Variants in MNAT1 observed in about 807,000 individuals in gnomAD.
MNAT1 encodes CDK-activating kinase assembly factor MAT1.
MNAT1 carries 43 observed loss-of-function variants against 42.0 expected under a neutral mutation model. The observed-to-expected ratio is 1.02, with a 90% confidence interval of 0.80 to 1.32. The LOEUF is 1.32. Among genes scored for constraint, MNAT1 ranks in the 40% most tolerant of loss-of-function variants. The pLI is 0.00. For synonymous variants in MNAT1, 118 were observed against 120.0 expected (o/e 0.98, Z 0.11); for missense variants, 306 against 350.4 (o/e 0.87, Z 1.01).
chr14:60,968,366 G>A lies in MNAT1; in HGVS notation c.*17G>A. Reference sequence around the variant, plus strand: ...CCCAGTTAACCATTTATAAGATTTGGACCTTGGAGCTGAACCAGGGAGCTA... The same window carrying A: ...CCCAGTTAACCATTTATAAGATTTGAACCTTGGAGCTGAACCAGGGAGCTA... On this transcript the variant is annotated 3_prime_UTR_variant, in exon 8 of 8. Coordinates refer to ENST00000261245, the MANE Select transcript of MNAT1 (RefSeq NM_002431.4). 6.2e-7 allele frequency: 1 copy of A among 1,605,708 alleles called. No individual in the cohort carries two copies. Among genetic ancestry groups the A allele is most frequent in the Non-Finnish European group, 8.5e-7 (1 of 1,177,470 alleles).
intron 7 of MNAT1, among the ~76,000 whole-genome samples, chr14:60,902,830 T>G (rs1358405329): frequency 2.0e-5 from 3 of 151,988 alleles, no homozygotes; most frequent in African/African-American, 7.3e-5. Context: ...TTCTTGCTGT[T>G]ATATATGAAA....
chr14:60,852,219 T>G (rs558394331), intron 6 of MNAT1, among the ~76,000 whole-genome samples: 1 of 152,172 alleles, frequency 6.6e-6, no homozygotes, highest in Non-Finnish European at 1.5e-5. Context: ...TTTTAATGAT[T>G]GCCATTCTCA....
intron 1 of MNAT1, among the ~76,000 whole-genome samples, chr14:60,737,635 A>T (rs939451333): frequency 6.6e-6 from 1 of 152,166 alleles, no homozygotes; most frequent in East Asian, 1.9e-4. Flanking sequence ...CCAGTATATC[A>T]TAAGATATAA....
intron 1 of MNAT1, among the ~76,000 whole-genome samples, chr14:60,785,238 G>A (rs79567716): frequency 5.5e-4 from 84 of 152,200 alleles, no homozygotes; most frequent in East Asian, 5.0e-3. Flanking sequence ...TTGTTGGGTG[G>A]CCATTTGATT....
intron 6 of MNAT1, among the ~76,000 whole-genome samples, chr14:60,847,256 T>C (rs1186240085): frequency 2.0e-5 from 3 of 151,968 alleles, no homozygotes; most frequent in Non-Finnish European, 4.4e-5. Context: ...TACAAAAAAT[T>C]AGCTGGGTGT....
chr14:60,904,073 A>G (rs1366984964), intron 7 of MNAT1, among the ~76,000 whole-genome samples: 1 of 151,946 alleles, frequency 6.6e-6, no homozygotes, highest in Non-Finnish European at 1.5e-5. Context: ...GGGTTTCACC[A>G]TATTGGCCAG....
chr14:60,913,146 G>T (rs536564079), intron 7 of MNAT1, among the ~76,000 whole-genome samples: 1 of 152,112 alleles, frequency 6.6e-6, no homozygotes, highest in African/African-American at 2.4e-5. Flanking sequence ...CATTCATCAC[G>T]TAGTTCTTTT....
intron 1 of MNAT1, among the ~76,000 whole-genome samples, chr14:60,758,758 A>G (rs764962519): frequency 6.6e-6 from 1 of 152,120 alleles, no homozygotes; most frequent in Non-Finnish European, 1.5e-5. Context: ...ACAAATTTGT[A>G]CCCCTAGTTT....
intron 6 of MNAT1, among the ~76,000 whole-genome samples, chr14:60,860,632 G>T (rs1300989081): frequency 6.6e-6 from 1 of 152,142 alleles, no homozygotes; most frequent in South Asian, 2.1e-4. Flanking sequence ...GATTACAGGC[G>T]TGAGCCACCA....
chr14:60,962,690 AT>A (rs2036616146), intron 7 of MNAT1, among the ~76,000 whole-genome samples: 1 of 152,184 alleles, frequency 6.6e-6, no homozygotes, highest in South Asian at 2.1e-4. Flanking sequence ...TCTCCGAGCA[AT>A]CTATATTCAG....
At chr14:60,875,194 G>A (rs2034410464) in intron 6 of MNAT1, among the ~76,000 whole-genome samples, 1 of 151,850 alleles carries the variant, frequency 6.6e-6, no homozygotes, top group African/African-American at 2.4e-5. Context: ...ATAAAAAATT[G>A]GTTTAAACCA....
At chr14:60,750,877 G>C (rs117574584) in intron 1 of MNAT1, among the ~76,000 whole-genome samples, 2,541 of 152,246 alleles carry the variant, frequency 0.017, 109 homozygotes, top group South Asian at 0.11. Context: ...AGCAGCCACT[G>C]AAGAGAAATT....
intron 7 of MNAT1, among the ~76,000 whole-genome samples, chr14:60,929,160 A>ATAT (rs1555336751): frequency 7.0e-5 from 9 of 128,444 alleles, no homozygotes; most frequent in African/African-American, 2.8e-4. Context: ...AAAAAAAAAA[A>ATAT]AAAAAAAAAA....
chr14:60,755,157 C>A (rs1402800992), intron 1 of MNAT1, among the ~76,000 whole-genome samples: 1 of 151,908 alleles, frequency 6.6e-6, no homozygotes, highest in Non-Finnish European at 1.5e-5. Context: ...TGCCACCATG[C>A]CTACCTAATT....
intron 7 of MNAT1, among the ~76,000 whole-genome samples, chr14:60,929,167 AAAAATATATATATAT>A (rs1409419734): frequency 1.1e-5 from 1 of 91,010 alleles, no homozygotes; most frequent in East Asian, 3.0e-4. Context: ...AAAAAAAAAA[AAAAATATATATATAT>A]ATATATATAT....
intron 7 of MNAT1, among the ~76,000 whole-genome samples, chr14:60,907,782 C>CAAAA (rs71114166): frequency 1.2e-3 from 95 of 76,892 alleles, no homozygotes; most frequent in Admixed American, 2.3e-3. Context: ...AACTGTGTCT[C>CAAAA]AAAAAAAAAA....
At chr14:60,782,896 A>C (rs936945263) in intron 1 of MNAT1, among the ~76,000 whole-genome samples, 1 of 152,198 alleles carries the variant, frequency 6.6e-6, no homozygotes, top group Non-Finnish European at 1.5e-5. Flanking sequence ...CACTTAGCAG[A>C]CATAACTTTG....
chr14:60,934,642 C>T (rs1453912511), intron 7 of MNAT1, among the ~76,000 whole-genome samples: 1 of 152,170 alleles, frequency 6.6e-6, no homozygotes, highest in African/African-American at 2.4e-5. Context: ...GAGGCCTCCC[C>T]AGCCATGTAG....
rs56345746 is a variant in MNAT1 at position 60,901,013 on chromosome 14, C to CAA, written c.809+21207_809+21208dup. 6.3e-3 allele frequency among the ~76,000 whole-genome samples: 232 copies of CAA among 36,584 alleles called. 18 individuals are homozygous for CAA. Among genetic ancestry groups the CAA allele is most frequent in the East Asian group, 0.021 (18 of 870 alleles). The allele number at this position is 36,584 out of a possible 152,430, so 24.0% of individuals were successfully genotyped here. A position where few individuals can be genotyped will look rare whatever the true frequency, so the allele number is the denominator to read the frequency against. The stretch of plus-strand genomic sequence containing the variant: ...GATGTGATACAGTGAGAGCCTGTCT[C>CAA]AAAAAAAAAAAAAAAAAAAAAAAAA... On this transcript the variant is annotated intron_variant, in intron 7 of 7. Transcript: ENST00000261245.
Sources: allele counts gnomAD v4.1 joint callset (sites outside exome capture counted in the v4.1 genomes callset), GRCh38; gene constraint gnomAD v4.1.1; transcripts MANE v1.5; gene names NCBI Gene and HGNC (gene_info 2026-07-23, HGNC 2026-07-21).